LRRC69: variants seen among roughly 807,000 people sequenced by gnomAD.
LRRC69 encodes leucine rich repeat containing 69.
LRRC69 carries 42 observed loss-of-function variants against 37.8 expected under a neutral mutation model. The ratio of observed to expected loss-of-function variants is 1.11; its 90% CI spans 0.87 to 1.44. The LOEUF (loss-of-function observed/expected upper bound fraction) is 1.44, where lower values mean the gene tolerates loss of function less well. Ranked by LOEUF, LRRC69 falls within the 40% of genes most tolerant of loss-of-function variation. The pLI is 0.00. For synonymous variants in LRRC69, 141 were observed against 143.1 expected, an observed-to-expected ratio of 0.99 and a Z score of 0.11; for missense variants, 357 against 401.9, an observed-to-expected ratio of 0.89 and a Z score of 0.96.
intron 1 of LRRC69, among the ~76,000 whole-genome samples, chr8:91,123,816 T>C (rs1038403408): frequency 1.3e-5 from 2 of 152,050 alleles, no homozygotes; most frequent in African/African-American, 2.4e-5. Context: ...TTTATTGGAT[T>C]ACAACATCAA....
chr8:91,108,987 T>G (rs76336108), intron 1 of LRRC69, among the ~76,000 whole-genome samples: 1 of 152,020 alleles, frequency 6.6e-6, no homozygotes, highest in African/African-American at 2.4e-5. Context: ...TTATACTGTT[T>G]GTCAGCATCA....
At chr8:91,179,778 G>A (rs1464676964) in intron 5 of LRRC69, among the ~76,000 whole-genome samples, 1 of 152,156 alleles carries the variant, frequency 6.6e-6, no homozygotes, top group Admixed American at 6.5e-5. Flanking sequence ...TAGATCAGGA[G>A]ATACAAAGAA....
At chr8:91,174,440 G>C (rs1212031539) in intron 5 of LRRC69, among the ~76,000 whole-genome samples, 2 of 152,152 alleles carry the variant, frequency 1.3e-5, no homozygotes, top group African/African-American at 4.8e-5. Context: ...AAACCACACT[G>C]GGCCTTGTAT....
At chr8:91,114,313 C>G (rs987934825) in intron 1 of LRRC69, among the ~76,000 whole-genome samples, 2 of 151,842 alleles carry the variant, frequency 1.3e-5, no homozygotes, top group Admixed American at 1.3e-4. Flanking sequence ...ATATCCAAAG[C>G]AAATGAAATC....
At chr8:91,172,303 A>G (rs1339380395) in intron 5 of LRRC69, among the ~76,000 whole-genome samples, 1 of 152,060 alleles carries the variant, frequency 6.6e-6, no homozygotes, top group African/African-American at 2.4e-5. Context: ...CTCAAAAATT[A>G]TGCACACTTC....
At chr8:91,214,737 C>T (rs1346663629) in intron 7 of LRRC69, among the ~76,000 whole-genome samples, 6 of 152,028 alleles carry the variant, frequency 3.9e-5, no homozygotes, top group South Asian at 4.1e-4. Flanking sequence ...TAATTTGGAA[C>T]ATGATAACAG....
At chr8:91,179,645 G>T (rs1460742397) in intron 5 of LRRC69, among the ~76,000 whole-genome samples, 1 of 152,078 alleles carries the variant, frequency 6.6e-6, no homozygotes, top group African/African-American at 2.4e-5. Flanking sequence ...TTTATTATCT[G>T]CATTGGTCTT....
At chr8:91,199,098 T>C (rs1455574673) in intron 6 of LRRC69, among the ~76,000 whole-genome samples, 1 of 152,202 alleles carries the variant, frequency 6.6e-6, no homozygotes, top group Non-Finnish European at 1.5e-5. Flanking sequence ...CATCTGCTAT[T>C]TTGGGTAGTG....
chr8:91,163,056 A>G (rs2130568118), intron 5 of LRRC69, among the ~76,000 whole-genome samples: 1 of 151,314 alleles, frequency 6.6e-6, no homozygotes, highest in Non-Finnish European at 1.5e-5. Flanking sequence ...GATCATGTTA[A>G]GTGTAGTTAT....
intron 5 of LRRC69, among the ~76,000 whole-genome samples, chr8:91,171,392 C>T (rs745666152): frequency 7.9e-5 from 12 of 152,072 alleles, no homozygotes; most frequent in Non-Finnish European, 1.5e-4. Flanking sequence ...CCCCCATAAA[C>T]CGATTTTTAC....
chr8:91,131,348 A>T (rs1813806257), intron 3 of LRRC69, among the ~76,000 whole-genome samples: 1 of 151,126 alleles, frequency 6.6e-6, no homozygotes, highest in South Asian at 2.1e-4. Flanking sequence ...TTATGGGTTT[A>T]CAGCCATGAG....
rs772676243 is a variant in LRRC69, at chr8:91,102,834, A to G, written c.173A>G (p.Asn58Ser). 7.8e-6 allele frequency: 12 copies of G among 1,544,462 alleles called. No homozygotes were observed. Among genetic ancestry groups the G allele is most frequent in the African/African-American group, 2.8e-5 (2 of 72,664 alleles). ...CCCAAAGTGTGTCCAGAGTTATGCA[A>G]CTTGACCCAGGTGAGGAACAGTGTT... is the stretch of plus-strand genomic sequence containing the variant. The change falls in exon 1 of 8, where the codon AAC (asparagine) becomes AGC (serine). Residue 58 changes from asparagine to serine, a missense_variant. Physicochemically the swap from Asn to Ser is conservative, Grantham distance 46. Coordinates refer to ENST00000448384, the Ensembl canonical transcript of LRRC69.
At chr8:91,121,849 C>A (rs1024226881) in intron 1 of LRRC69, among the ~76,000 whole-genome samples, 3 of 151,920 alleles carry the variant, frequency 2.0e-5, no homozygotes, top group African/African-American at 7.2e-5. Flanking sequence ...GTTTAGACTG[C>A]ATTTTTAAGC....
At chr8:91,182,089 A>G (rs1398238555) in intron 5 of LRRC69, among the ~76,000 whole-genome samples, 1 of 152,184 alleles carries the variant, frequency 6.6e-6, no homozygotes, top group Non-Finnish European at 1.5e-5. Context: ...AGGGTTTTCT[A>G]GTATTTCTTT....
At chr8:91,198,018 T>A (rs6987417) in intron 6 of LRRC69, among the ~76,000 whole-genome samples, 66,544 of 151,960 alleles carry the variant, frequency 0.44, 16,739 homozygotes, top group South Asian at 0.64. Context: ...GTAAGAGTTA[T>A]TTCTACTGGG....
chr8:91,117,756 G>A (rs1027455686), intron 1 of LRRC69, among the ~76,000 whole-genome samples: 5 of 151,682 alleles, frequency 3.3e-5, no homozygotes, highest in African/African-American at 1.2e-4. Context: ...TGCCATGTTA[G>A]GCTGCATAAT....
At chr8:91,119,961 G>A (rs1463928374) in intron 1 of LRRC69, among the ~76,000 whole-genome samples, 1 of 151,688 alleles carries the variant, frequency 6.6e-6, no homozygotes, top group Non-Finnish European at 1.5e-5. Context: ...CATATTTAAG[G>A]CATGAGTTTC....
Position 91,103,412 on chromosome 8 carries a change from T to G in LRRC69, c.183+568T>G, listed in dbSNP as rs1813255577. Among the ~76,000 whole-genome samples the G allele has an allele frequency of 1.3e-5, 2 of 152,016 alleles. 1 individual carries two copies. The highest frequency in any genetic ancestry group is 4.1e-4 in the South Asian group (2 of 4,828). On this transcript the variant is annotated intron_variant, in intron 1 of 7. Coordinates refer to ENST00000448384, the Ensembl canonical transcript of LRRC69. ...TTAATATTTTAAATAAAAAATATTC[T>G]TTTTTAAAGAGGAATAGTTGACATG...
Position 91,133,392 on chromosome 8 carries a change from T to A in LRRC69, c.579+87T>A. The stretch of plus-strand genomic sequence containing the variant: ...TGGTTATAGATTAGATTTGGGTATC[T>A]GAGTATAAGCCACCACTTGCTTTCT... On this transcript the variant is annotated intron_variant, in intron 4 of 7. Coordinates refer to ENST00000448384, the Ensembl canonical transcript of LRRC69. 3 of 972,654 alleles carry A rather than the reference T, an allele frequency of 3.1e-6. 1 individual carries two copies. Among genetic ancestry groups the A allele is most frequent in the South Asian group, 4.0e-5 (2 of 50,018 alleles). The allele number at this position is 972,654 out of a possible 1,614,324, so 60.3% of individuals were successfully genotyped here. A position where few individuals can be genotyped will look rare whatever the true frequency, so the allele number is the denominator to read the frequency against.
Sources: gnomAD v4.1 joint callset for allele counts (sites outside exome capture counted in the v4.1 genomes callset) on GRCh38, gnomAD v4.1.1 for gene constraint, MANE v1.5 for transcripts, NCBI Gene and HGNC (gene_info 2026-07-23, HGNC 2026-07-21) for gene names.